The following MYH11 variants were observed in gnomAD, a reference collection of about 807,000 sequenced individuals.
MYH11 encodes the protein myosin heavy chain 11, also known as myosin-11.
A neutral mutation model predicts 246.6 loss-of-function variants in MYH11; 80 were observed. The observed-to-expected ratio is 0.32, with a 90% CI of 0.27 to 0.39. The LOEUF (loss-of-function observed/expected upper bound fraction) is 0.39. Among genes scored for constraint, MYH11 ranks in the 10% least tolerant of loss-of-function variants. The pLI is 1.00. For synonymous variants in MYH11, 1,071 were observed against 1,015.5 expected, an observed-to-expected ratio of 1.05 and a Z score of -1.04; for missense variants, 2,158 against 2,546.8, an observed-to-expected ratio of 0.85 and a Z score of 3.29.
intron 3 of MYH11, among the ~76,000 whole-genome samples, chr16:15,802,656 C>T (rs1051389973): frequency 3.9e-5 from 6 of 152,122 alleles, no homozygotes; most frequent in African/African-American, 1.4e-4. Context: ...GCTATGTTGC[C>T]CAGGCTGGTT....
intron 2 of MYH11, among the ~76,000 whole-genome samples, chr16:15,835,592 A>AAGAACATCTTACT (rs2043869292): frequency 6.6e-6 from 1 of 152,188 alleles, no homozygotes; most frequent in Non-Finnish European, 1.5e-5. Flanking sequence ...GTGATGGAAG[A>AAGAACATCTTACT]AGAACATCTT....
intron 9 of MYH11, among the ~76,000 whole-genome samples, chr16:15,765,868 C>T (rs1208873103): frequency 6.6e-6 from 1 of 152,214 alleles, no homozygotes; most frequent in Non-Finnish European, 1.5e-5. Flanking sequence ...GTTGCACTCA[C>T]AGTTTTAAAA....
rs549593465 is a variant in MYH11, at chr16:15,759,633, A to G, written c.1344T>C (p.His448=). Residue 448 remains histidine (H), a synonymous_variant, in exon 12 of 41, where the codon CAT becomes CAC. Transcript: ENST00000300036. ...TRVNKALDKT[H]RQGASFLGIL... ...TCCCCAGGAAGGAAGCCCCTTGCCG[A>G]TGGGTCTTGTCCAGGGCTTTGTTCA... 1.1e-5 allele frequency: 17 copies of G among 1,614,156 alleles called. No homozygotes were observed. The African/African-American group carries it at 1.9e-4, about 18-fold the overall frequency.
intron 15 of MYH11, among the ~76,000 whole-genome samples, chr16:15,751,071 C>G (rs2041553439): frequency 6.6e-6 from 1 of 151,868 alleles, no homozygotes; most frequent in African/African-American, 2.4e-5. Context: ...ATACAGCACA[C>G]ACTCCGAGAT....
chr16:15,720,447 A>G, intron 33 of MYH11, 135 bp from the exon 34 acceptor site: 4 of 1,273,034 alleles, frequency 3.1e-6, no homozygotes, highest in Middle Eastern at 2.5e-4. Context: ...CCAGTTGCAG[A>G]TGAGAAAACG....
intron 5 of MYH11, chr16:15,784,780 G>A: frequency 6.3e-7 from 1 of 1,589,628 alleles, no homozygotes; most frequent in Non-Finnish European, 8.6e-7. Flanking sequence ...ATGGACATCA[G>A]GGGCTGGAGA....
intron 37 of MYH11, chr16:15,718,027 A>C (rs1205716540): frequency 1.5e-5 from 8 of 517,968 alleles, no homozygotes; most frequent in Non-Finnish European, 2.8e-5. Flanking sequence ...AAACGCAATG[A>C]AAGAGCATCC....
chr16:15,797,721 C>T (rs2042776918), intron 4 of MYH11, among the ~76,000 whole-genome samples: 1 of 151,924 alleles, frequency 6.6e-6, no homozygotes, highest in South Asian at 2.1e-4. Flanking sequence ...CATTTGTGAA[C>T]ATGTGCAGAG....
At position 15,717,311 on chromosome 16, in the gene MYH11, C is replaced by T; in HGVS notation, c.5333G>A (p.Ser1778Asn). ...QLSNELATER[S>N]TAQKNESARQ... ...GGCACTCTCATTCTTCTGGGCCGTG[C>T]TGCGCTCTGTGGCCAGCTCGTTGCT... Residue 1778 changes from serine (S) to asparagine (N), a missense_variant, in exon 38 of 41, where the codon AGC (serine) becomes AAC (asparagine). By Grantham distance (46) the Ser-to-Asn change is conservative. This residue lies in a region of MYH11 where 1,013 missense variants were observed against 993.5 expected (regional missense o/e 1.02). Transcript: ENST00000300036. 2 of 1,611,692 alleles carry T rather than the reference C, an allele frequency of 1.2e-6. No individual in the cohort carries two copies. The highest frequency in any genetic ancestry group is 1.7e-6 in the Non-Finnish European group (2 of 1,180,022).
Position 15,724,778 on chromosome 16 carries a change from G to C in MYH11, c.3985C>G (p.Arg1329Gly). 1 of 1,614,016 alleles carries C rather than the reference G, an allele frequency of 6.2e-7. No homozygotes were observed. Among genetic ancestry groups the C allele is most frequent in the South Asian group, 1.1e-5 (1 of 91,086 alleles). The change falls in exon 30 of 41, where the codon CGG becomes GGG. Residue 1329 changes from arginine to glycine, a missense_variant. This residue lies in a region of MYH11 where 1,013 missense variants were observed against 993.5 expected (regional missense o/e 1.02). Coordinates refer to ENST00000300036, the MANE Select transcript of MYH11 (RefSeq NM_002474.3). ...TTCGTAGACACGTTGAGCTTCTGCC[G>C]GGTTTCTTCTTGAAGCAGCTCCTGC... ...DTQELLQEET[R>G]QKLNVSTKLR...
intron 2 of MYH11, among the ~76,000 whole-genome samples, chr16:15,837,123 T>G (rs2043918329): frequency 6.6e-6 from 1 of 152,174 alleles, no homozygotes; most frequent in Non-Finnish European, 1.5e-5. Context: ...GTTCTGCAAG[T>G]CTACCTAAAA....
chr16:15,761,970 T>TAAA (rs2041877467), intron 10 of MYH11, among the ~76,000 whole-genome samples: 1 of 152,158 alleles, frequency 6.6e-6, no homozygotes, highest in East Asian at 1.9e-4. Flanking sequence ...GAACTTAGTT[T>TAAA]ATAGTTTATT....
intron 40 of MYH11, chr16:15,714,027 C>A (rs79551287): frequency 6.6e-6 from 1 of 152,248 alleles, no homozygotes; most frequent in African/African-American, 2.4e-5. Flanking sequence ...CTGGTTGGCC[C>A]GGTAGAAGCA....
intron 2 of MYH11, among the ~76,000 whole-genome samples, chr16:15,834,911 G>A (rs9926143): frequency 7.6e-6 from 1 of 132,040 alleles, no homozygotes; most frequent in African/African-American, 2.9e-5. Flanking sequence ...CTCTACAGAA[G>A]TTTTTTTTTT....
chr16:15,846,098 CA>C (rs996720834), intron 1 of MYH11, among the ~76,000 whole-genome samples: 5 of 150,622 alleles, frequency 3.3e-5, no homozygotes, highest in Admixed American at 2.0e-4. Context: ...GCCTCCATCT[CA>C]AAAAAAAAGA....
chr16:15,769,039 ACG>A (rs2042042183), intron 9 of MYH11, among the ~76,000 whole-genome samples: 1 of 152,142 alleles, frequency 6.6e-6, no homozygotes, highest in Admixed American at 6.5e-5. Context: ...CAGGCCAGGC[ACG>A]GTGGCTCATG....
intron 2 of MYH11, among the ~76,000 whole-genome samples, chr16:15,835,987 T>G (rs1166808213): frequency 6.6e-6 from 1 of 152,062 alleles, no homozygotes; most frequent in East Asian, 1.9e-4. Context: ...TGGGCTCAAG[T>G]GAGCCACCTG....
In MYH11 at chr16:15,837,993, A is replaced by G; in HGVS notation, c.260T>C (p.Val87Ala). Residue 87 changes from valine to alanine, a missense_variant, in exon 2 of 41, where the codon GTG becomes GCG. Physicochemically the swap from Val to Ala is moderately conservative, Grantham distance 64. Transcript: ENST00000300036. ...QKMNPPKFSK[V>A]EDMAELTCLN... ...GCACGTCAGCTCCGCCATGTCCTCC[A>G]CCTTGGAGAACTTGGGTGGGTTCAT... 1 of 1,614,116 alleles carries G rather than the reference A, an allele frequency of 6.2e-7. No individual in the cohort carries two copies.
chr16:15,714,512 AAGG>A (rs1418279983), intron 40 of MYH11: 4 of 329,338 alleles, frequency 1.2e-5, no homozygotes, highest in African/African-American at 4.2e-5. Flanking sequence ...GAGGGGGAGA[AAGG>A]AGGAGCAGAG....
Sources: gnomAD v4.1 joint callset for allele counts (sites outside exome capture counted in the v4.1 genomes callset) on GRCh38, gnomAD v4.1.1 for gene constraint, gnomAD v4.1.1 regional missense constraint, MANE v1.5 for transcripts, NCBI Gene and HGNC (gene_info 2026-07-23, HGNC 2026-07-21) for gene names.